The following PCCA variants were observed in gnomAD, a reference collection of about 807,000 sequenced individuals.
The protein encoded by PCCA is propionyl-CoA carboxylase alpha chain, mitochondrial.
A neutral mutation model predicts 101.3 loss-of-function variants in PCCA; 74 were observed. The observed-to-expected ratio is 0.73, with a 90% CI of 0.61 to 0.89. The LOEUF is 0.89. Ranked by LOEUF, PCCA falls within the 40% of genes least tolerant of loss-of-function variation. PCCA has a pLI of 0.00. For synonymous variants in PCCA, 294 were observed against 313.6 expected, an observed-to-expected ratio of 0.94 and a Z score of 0.66; for missense variants, 891 against 907.0, an observed-to-expected ratio of 0.98 and a Z score of 0.23.
chr13:100,212,370 C>CA (rs2059269220), intron 7 of PCCA, among the ~76,000 whole-genome samples: 4 of 152,184 alleles, frequency 2.6e-5, no homozygotes, highest in Non-Finnish European at 5.9e-5. Flanking sequence ...ACATAGTAGA[C>CA]TATGTGACTC....
intron 18 of PCCA, among the ~76,000 whole-genome samples, chr13:100,349,277 C>CCA (rs918342098): frequency 6.6e-6 from 1 of 152,196 alleles, no homozygotes; most frequent in African/African-American, 2.4e-5. Context: ...GCGTGCACCA[C>CCA]CATGCCTGGC....
chr13:100,247,672 C>A (rs1208618641), intron 8 of PCCA, among the ~76,000 whole-genome samples: 1 of 151,804 alleles, frequency 6.6e-6, no homozygotes, highest in Admixed American at 6.6e-5. Context: ...TGCCACCACA[C>A]CTGGCTAATT....
Position 100,400,131 on chromosome 13 carries a change from A to G in PCCA, c.1747-25502A>G, listed in dbSNP as rs1208039468. 3.9e-5 allele frequency among the ~76,000 whole-genome samples: 6 copies of G among 152,334 alleles called. No homozygotes were observed. In the East Asian group the frequency reaches 1.2e-3, roughly 29 times the overall value. Reference sequence around the variant, plus strand: ...GTGAATCAGTGGGGATATGGATAAAACAGGATTGGCTTTGAGTGGATAAGT... The same window carrying G: ...GTGAATCAGTGGGGATATGGATAAAGCAGGATTGGCTTTGAGTGGATAAGT... On this transcript the variant is annotated intron_variant, in intron 19 of 23. Coordinates refer to ENST00000376285, the MANE Select transcript of PCCA (RefSeq NM_000282.4).
At chr13:100,134,055 C>T (rs1479003798) in intron 4 of PCCA, among the ~76,000 whole-genome samples, 3 of 152,172 alleles carry the variant, frequency 2.0e-5, no homozygotes, top group African/African-American at 4.8e-5. Context: ...GGCTTCCCTG[C>T]TCTTAGCTTG....
At chr13:100,513,748 A>C (rs915609206) in intron 21 of PCCA, among the ~76,000 whole-genome samples, 2 of 152,234 alleles carry the variant, frequency 1.3e-5, no homozygotes, top group South Asian at 4.1e-4. Context: ...CAAGAAAAAA[A>C]TAGATCTGTG....
chr13:100,155,865 T>C (rs1245528610), intron 5 of PCCA, among the ~76,000 whole-genome samples: 1 of 152,238 alleles, frequency 6.6e-6, no homozygotes, highest in East Asian at 1.9e-4. Context: ...AAAGCCTAAT[T>C]CGTGAACCCA....
At chr13:100,365,635 G>C (rs1458773180) in intron 18 of PCCA, among the ~76,000 whole-genome samples, 1 of 152,188 alleles carries the variant, frequency 6.6e-6, no homozygotes, top group East Asian at 1.9e-4. Flanking sequence ...TTCCTTGAAG[G>C]ATCTGTTAGT....
chr13:100,123,168 G>A (rs2049584511), intron 4 of PCCA, among the ~76,000 whole-genome samples: 1 of 152,174 alleles, frequency 6.6e-6, no homozygotes, highest in African/African-American at 2.4e-5. Flanking sequence ...GCATTCTCAT[G>A]CCTCAGCCTC....
At chr13:100,387,248 T>G (rs2076561608) in intron 19 of PCCA, among the ~76,000 whole-genome samples, 1 of 152,190 alleles carries the variant, frequency 6.6e-6, no homozygotes, top group Admixed American at 6.5e-5. Context: ...AGCAGTAACA[T>G]AGGTCAGAGT....
intron 22 of PCCA, among the ~76,000 whole-genome samples, chr13:100,525,493 C>T (rs1046992664): frequency 9.2e-5 from 14 of 152,226 alleles, no homozygotes; most frequent in Non-Finnish European, 1.3e-4. Context: ...CAGGCCCTGG[C>T]GGGGCCCAGA....
In PCCA at chr13:100,466,724, G is replaced by A. The variant is rs150507374; in HGVS notation, c.1899+17419G>A. Among the ~76,000 whole-genome samples, 752 of 152,264 alleles carry A rather than the reference G, an allele frequency of 4.9e-3. 7 individuals carry two copies. The highest frequency in any genetic ancestry group is 0.017 in the African/African-American group (712 of 41,554). Reference sequence around the variant, plus strand: ...AATACAAAAATTAGCTGGGTGTGGTGGTTTGTGCCTGTAGTTCCAGCTACT... The same window carrying A: ...AATACAAAAATTAGCTGGGTGTGGTAGTTTGTGCCTGTAGTTCCAGCTACT... On this transcript the variant is annotated intron_variant, in intron 21 of 23. Coordinates refer to ENST00000376285, the MANE Select transcript of PCCA (RefSeq NM_000282.4).
intron 21 of PCCA, among the ~76,000 whole-genome samples, chr13:100,487,793 T>G (rs979784337): frequency 4.0e-5 from 6 of 151,844 alleles, no homozygotes; most frequent in African/African-American, 1.5e-4. Context: ...GGCAGGATCA[T>G]AGCTCACTAC....
intron 19 of PCCA, among the ~76,000 whole-genome samples, chr13:100,413,602 A>G (rs2078182582): frequency 6.6e-6 from 1 of 152,190 alleles, no homozygotes; most frequent in Admixed American, 6.5e-5. Flanking sequence ...AACAGCCAGC[A>G]TTCATTGAGG....
intron 17 of PCCA, among the ~76,000 whole-genome samples, chr13:100,332,959 A>G (rs1403613314): frequency 6.6e-6 from 1 of 152,230 alleles, no homozygotes; most frequent in Non-Finnish European, 1.5e-5. Context: ...ACCTAGGCTT[A>G]TTCAACTCCT....
chr13:100,089,257 C>A, intron 1 of PCCA, 32 bp downstream of exon 1: 1 of 1,458,090 alleles, frequency 6.9e-7, no homozygotes, highest in Non-Finnish European at 9.1e-7. Flanking sequence ...CGGGTCCGGG[C>A]TTCACTGGGC....
chr13:100,204,934 C>T (rs1041274569), intron 6 of PCCA, among the ~76,000 whole-genome samples: 5 of 152,078 alleles, frequency 3.3e-5, no homozygotes, highest in Admixed American at 1.3e-4. Flanking sequence ...CCTGGGACTA[C>T]AGGCACACTT....
chr13:100,525,520 G>A (rs1231551396), intron 22 of PCCA, among the ~76,000 whole-genome samples: 4 of 152,236 alleles, frequency 2.6e-5, no homozygotes, highest in African/African-American at 4.8e-5. Flanking sequence ...CTGTAGCCAG[G>A]TCAGGCTGGC....
chr13:100,116,260 G>C (rs1412443524), intron 4 of PCCA, among the ~76,000 whole-genome samples: 1 of 152,152 alleles, frequency 6.6e-6, no homozygotes, highest in Non-Finnish European at 1.5e-5. Context: ...TATAGGCTTT[G>C]TATGTTAATT....
intron 7 of PCCA, among the ~76,000 whole-genome samples, chr13:100,232,404 G>A (rs1226199522): frequency 7.7e-6 from 1 of 129,040 alleles, no homozygotes; most frequent in Non-Finnish European, 1.7e-5. Flanking sequence ...TTTTAGAGAC[G>A]GAGTCTCACT....
Sources: allele counts gnomAD v4.1 joint callset (sites outside exome capture counted in the v4.1 genomes callset), GRCh38; gene constraint gnomAD v4.1.1; transcripts MANE v1.5; gene names NCBI Gene and HGNC (gene_info 2026-07-23, HGNC 2026-07-21).